Variants in DTWD2 observed in about 807,000 individuals in gnomAD.
DTWD2 encodes the protein DTW motif tRNA-uridine aminocarboxypropyltransferase 2, also known as tRNA-uridine aminocarboxypropyltransferase 2.
In DTWD2, 39 loss-of-function variants were observed where a neutral mutation model predicts 31.8. The observed-to-expected ratio is 1.22, with a 90% confidence interval of 0.95 to 1.60. The LOEUF (loss-of-function observed/expected upper bound fraction) is 1.60. Ranked by LOEUF, DTWD2 falls within the 40% of genes most tolerant of loss-of-function variation. The pLI, the probability that DTWD2 is intolerant of heterozygous loss-of-function variation, is 0.00. For missense variants in DTWD2, 515 were observed against 381.5 expected, an observed-to-expected ratio of 1.35 and a Z score of -2.92; for synonymous variants, 180 against 142.8, an observed-to-expected ratio of 1.26 and a Z score of -1.86.
intron 4 of DTWD2, among the ~76,000 whole-genome samples, chr5:118,908,656 C>CAAAAAA (rs771874998): frequency 7.5e-6 from 1 of 133,366 alleles, no homozygotes; most frequent in African/African-American, 2.8e-5. Flanking sequence ...CCACCACCAC[C>CAAAAAA]AAAAAAAAAA....
chr5:118,973,720 G>A (rs565737028), intron 1 of DTWD2: 201 of 1,566,616 alleles, frequency 1.3e-4, no homozygotes, highest in Non-Finnish European at 1.7e-4. Flanking sequence ...GCGGACTCCG[G>A]CAGCTTTATC....
intron 4 of DTWD2, among the ~76,000 whole-genome samples, chr5:118,895,601 A>G (rs1394603914): frequency 6.6e-6 from 1 of 152,216 alleles, no homozygotes; most frequent in Non-Finnish European, 1.5e-5. Flanking sequence ...ACATTGTCTG[A>G]TTCCAAATTA....
At chr5:118,980,664 G>A (rs752013131) in intron 1 of DTWD2, among the ~76,000 whole-genome samples, 1 of 152,134 alleles carries the variant, frequency 6.6e-6, no homozygotes, top group Non-Finnish European at 1.5e-5. Flanking sequence ...AGTAAGTGTT[G>A]GCAGGAATGT....
chr5:118,939,064 C>T, intron 3 of DTWD2, 132 bp downstream of exon 3: 1 of 682,430 alleles, frequency 1.5e-6, no homozygotes, highest in Non-Finnish European at 2.2e-6. Context: ...CAGGGGTTAG[C>T]AGAACCTAAA....
intron 1 of DTWD2, among the ~76,000 whole-genome samples, chr5:118,968,455 T>A (rs1215619087): frequency 6.6e-6 from 1 of 152,180 alleles, no homozygotes; most frequent in Non-Finnish European, 1.5e-5. Context: ...GTTCTCACAC[T>A]GGGACTCACT....
At chr5:118,882,744 G>A (rs778319431) in intron 4 of DTWD2, among the ~76,000 whole-genome samples, 11 of 152,230 alleles carry the variant, frequency 7.2e-5, no homozygotes, top group Non-Finnish European at 1.2e-4. Context: ...AATGGCTGGA[G>A]ATGGAGCTTC....
At chr5:118,843,168 G>A (rs185330306) in intron 5 of DTWD2, among the ~76,000 whole-genome samples, 1 of 151,824 alleles carries the variant, frequency 6.6e-6, no homozygotes, top group Admixed American at 6.6e-5. Context: ...TATTGGCCAG[G>A]CTGGTCTCGA....
chr5:118,889,689 C>A (rs1360789834), intron 4 of DTWD2, among the ~76,000 whole-genome samples: 2 of 151,972 alleles, frequency 1.3e-5, no homozygotes, highest in African/African-American at 4.8e-5. Flanking sequence ...GATTTTTCCG[C>A]CATGTAAATA....
At chr5:118,983,711 C>G (rs78453264) in intron 1 of DTWD2, among the ~76,000 whole-genome samples, 3,906 of 152,242 alleles carry the variant, frequency 0.026, 80 homozygotes, top group Non-Finnish European at 0.038. Flanking sequence ...GTGATAATAC[C>G]TACTGTGCAA....
At chr5:118,890,715 C>A (rs1342170041) in intron 4 of DTWD2, among the ~76,000 whole-genome samples, 5 of 151,344 alleles carry the variant, frequency 3.3e-5, no homozygotes, top group African/African-American at 1.2e-4. Context: ...GGACTACAGG[C>A]GCACGCCACC....
intron 4 of DTWD2, 54 bp from the exon 5 acceptor site, chr5:118,848,272 A>G (rs1751908880): frequency 2.0e-6 from 3 of 1,491,400 alleles, no homozygotes; most frequent in Non-Finnish European, 1.8e-6. Context: ...TAAAATTATA[A>G]AGTTTGTGTT....
At chr5:118,973,143 T>G (rs1755029730) in intron 1 of DTWD2, among the ~76,000 whole-genome samples, 1 of 151,852 alleles carries the variant, frequency 6.6e-6, no homozygotes, top group Non-Finnish European at 1.5e-5. Context: ...TGAGCCTATG[T>G]GTGTCTTTGC....
intron 1 of DTWD2, among the ~76,000 whole-genome samples, chr5:118,972,758 T>G (rs1006798122): frequency 6.6e-6 from 1 of 152,144 alleles, no homozygotes; most frequent in African/African-American, 2.4e-5. Context: ...CAGCAGCACA[T>G]CAAAAAGCTT....
At chr5:118,959,157 C>T (rs1367902871) in intron 1 of DTWD2, among the ~76,000 whole-genome samples, 4 of 152,118 alleles carry the variant, frequency 2.6e-5, no homozygotes, top group African/African-American at 9.7e-5. Context: ...GAAAGTCAAA[C>T]TATCTCTGTT....
intron 4 of DTWD2, among the ~76,000 whole-genome samples, chr5:118,876,510 A>G (rs1236604312): frequency 6.6e-6 from 1 of 152,184 alleles, no homozygotes; most frequent in Non-Finnish European, 1.5e-5. Flanking sequence ...AAGAAAAGAG[A>G]TATGATTCAA....
intron 4 of DTWD2, among the ~76,000 whole-genome samples, chr5:118,921,430 G>C (rs1321481376): frequency 6.6e-6 from 1 of 151,150 alleles, no homozygotes; most frequent in Admixed American, 6.6e-5. Flanking sequence ...GAGGTGGGTG[G>C]ATCGCTTTGA....
At chr5:118,924,999 T>TG (rs1347774876) in intron 4 of DTWD2, among the ~76,000 whole-genome samples, 12 of 152,334 alleles carry the variant, frequency 7.9e-5, no homozygotes, top group African/African-American at 2.9e-4. Context: ...GCATTAGCTA[T>TG]TTTTTAGAAT....
At chr5:118,949,446 TA>T (rs1754410284) in intron 1 of DTWD2, among the ~76,000 whole-genome samples, 1 of 152,184 alleles carries the variant, frequency 6.6e-6, no homozygotes, top group Non-Finnish European at 1.5e-5. Flanking sequence ...GGTTGGGCAC[TA>T]CAGGGTGGAC....
intron 4 of DTWD2, among the ~76,000 whole-genome samples, chr5:118,870,212 C>A (rs1752471563): frequency 6.6e-6 from 1 of 152,174 alleles, no homozygotes; most frequent in South Asian, 2.1e-4. Context: ...CAGCCTAATA[C>A]ATTATGTATC....
Sources: allele counts gnomAD v4.1 joint callset (sites outside exome capture counted in the v4.1 genomes callset), GRCh38; gene constraint gnomAD v4.1.1; transcripts MANE v1.5; gene names NCBI Gene and HGNC (gene_info 2026-07-23, HGNC 2026-07-21).